Variants in AACS observed in about 807,000 individuals in gnomAD.
AACS encodes acetoacetate-CoA ligase.
Under a neutral mutation model 83.1 loss-of-function variants are expected in AACS, and 69 were observed. The observed-to-expected ratio is 0.83, with a 90% CI of 0.68 to 1.01. The LOEUF is 1.01. Ranked by LOEUF, AACS falls within the 50% of genes least tolerant of loss-of-function variation. The pLI is 0.00. For synonymous variants in AACS, 333 were observed against 343.4 expected (o/e 0.97, Z 0.33); for missense variants, 866 against 882.2 (o/e 0.98, Z 0.23).
chr12:125,077,212 G>C (rs796918806), intron 3 of AACS, among the ~76,000 whole-genome samples: 1 of 151,586 alleles, frequency 6.6e-6, no homozygotes, highest in African/African-American at 2.4e-5. Context: ...CACTGCACCC[G>C]GCCCCTGTGC....
intron 2 of AACS, among the ~76,000 whole-genome samples, chr12:125,076,202 G>T (rs1436672745): frequency 6.6e-6 from 1 of 152,204 alleles, no homozygotes; most frequent in African/African-American, 2.4e-5. Flanking sequence ...TGTCGTCTTT[G>T]TCTTTAGGAT....
At chr12:125,095,629 A>T (rs543656866) in intron 5 of AACS, among the ~76,000 whole-genome samples, 1 of 152,192 alleles carries the variant, frequency 6.6e-6, no homozygotes, top group African/African-American at 2.4e-5. Context: ...TGTTCAGAAC[A>T]GCCTCTTCTC....
At chr12:125,079,000 G>A (rs554315660) in intron 3 of AACS, among the ~76,000 whole-genome samples, 13 of 152,208 alleles carry the variant, frequency 8.5e-5, no homozygotes, top group African/African-American at 3.1e-4. Context: ...GTGTAGGGCT[G>A]TTTTAGACAG....
intron 14 of AACS, among the ~76,000 whole-genome samples, chr12:125,131,579 A>G (rs1480142794): frequency 6.6e-6 from 1 of 152,104 alleles, no homozygotes; most frequent in African/African-American, 2.4e-5. Context: ...GAGTATGAAT[A>G]TGGGGTTATA....
intron 3 of AACS, among the ~76,000 whole-genome samples, chr12:125,079,331 T>C (rs753053173): frequency 6.6e-6 from 1 of 151,970 alleles, no homozygotes; most frequent in Non-Finnish European, 1.5e-5. Context: ...CGGGAAGGGA[T>C]TGCATCATGG....
chr12:125,124,692 G>T lies in AACS; in HGVS notation c.1122-13G>T, dbSNP rs773297852. 6.8e-6 allele frequency: 11 copies of T among 1,613,304 alleles called. No homozygotes were observed. Among genetic ancestry groups the T allele is most frequent in the African/African-American group, 6.7e-5 (5 of 74,886 alleles). ...AAGAGTTTCTGGTGTTTTCTTTCCC[G>T]CCTGCACCCTAGCATCACTGTCCTG... On this transcript the variant is annotated splice_polypyrimidine_tract_variant and intron_variant, in intron 10 of 17. Coordinates refer to ENST00000316519, the MANE Select transcript of AACS (RefSeq NM_023928.5).
At chr12:125,141,991 T>C in intron 17 of AACS, 101 bp from the exon 18 acceptor site, 1 of 1,489,562 alleles carries the variant, frequency 6.7e-7, no homozygotes, top group Non-Finnish European at 9.2e-7. Flanking sequence ...CTCTTGGCAC[T>C]CCAGGTGGAG....
At chr12:125,139,432 CT>C (rs1307392304) in intron 17 of AACS, 3 of 152,560 alleles carry the variant, frequency 2.0e-5, no homozygotes, top group East Asian at 3.9e-4. Context: ...CCCTCTGCCC[CT>C]GAGGCATGAC....
At chr12:125,088,685 T>A (rs1291546973) in intron 4 of AACS, among the ~76,000 whole-genome samples, 1 of 152,228 alleles carries the variant, frequency 6.6e-6, no homozygotes, top group Non-Finnish European at 1.5e-5. Context: ...AAAAATCTTT[T>A]GAAGCAAACG....
At chr12:125,109,901 G>A (rs896186582) in intron 8 of AACS, among the ~76,000 whole-genome samples, 1 of 152,198 alleles carries the variant, frequency 6.6e-6, no homozygotes, top group Non-Finnish European at 1.5e-5. Context: ...GAACACGCTG[G>A]AAATGATGTG....
intron 6 of AACS, 90 bp from the exon 7 acceptor site, chr12:125,102,910 C>T (rs1380712568): frequency 2.1e-6 from 3 of 1,453,426 alleles, no homozygotes; most frequent in Admixed American, 1.9e-5. Flanking sequence ...ATTCTCTGCC[C>T]CAGATTGTGT....
At position 125,129,596 on chromosome 12, in the gene AACS, C is replaced by A; in HGVS notation, c.1549+136C>A. On this transcript the variant is annotated intron_variant, in intron 14 of 17. Coordinates refer to ENST00000316519, the MANE Select transcript of AACS (RefSeq NM_023928.5). This position sits in a 1 kb window ranked among gnomAD's most constrained non-coding sequence, Gnocchi z 4.3. ...TGGAGAAGCTGCTTATAGTTCATTC[C>A]GCCAGTGGGGGGATAATGAATTTTT... 1 of 1,139,432 alleles carries A rather than the reference C, an allele frequency of 8.8e-7. No individual in the cohort carries two copies. 70.6% of individuals were successfully genotyped at this position (1,139,432 alleles called of 1,614,324 possible). A position where few individuals can be genotyped will look rare whatever the true frequency, so the allele number is the denominator to read the frequency against.
intron 3 of AACS, among the ~76,000 whole-genome samples, 156 bp from the exon 4 acceptor site, chr12:125,086,174 T>C (rs1399099857): frequency 1.3e-5 from 2 of 152,218 alleles, no homozygotes; most frequent in Non-Finnish European, 2.9e-5. Context: ...TGAGGTTAAG[T>C]TGACCTGTAT....
intron 7 of AACS, among the ~76,000 whole-genome samples, chr12:125,106,715 T>C (rs946563939): frequency 1.3e-5 from 2 of 152,192 alleles, no homozygotes; most frequent in African/African-American, 4.8e-5. Flanking sequence ...AGGTGATCAA[T>C]AGCAAACAAA....
chr12:125,077,095 T>C lies in AACS; in HGVS notation c.358+484T>C, dbSNP rs1411298506. On this transcript the variant is annotated intron_variant, in intron 3 of 17. Transcript: ENST00000316519. The stretch of plus-strand genomic sequence containing the variant: ...GCTGATTTTTTTTTTTTTTTTTTTT[T>C]AGTAGAGACAGGGTCTTGCTATGTT... Among the ~76,000 whole-genome samples the C allele has an allele frequency of 6.6e-5, 9 of 136,822 alleles. 1 individual carries two copies. The highest frequency in any genetic ancestry group is 2.4e-4 in the South Asian group (1 of 4,190). The allele number at this position is 136,822 out of a possible 152,430, so 89.8% of individuals were successfully genotyped here.
rs535291712 is a variant in AACS at position 125,071,905 on chromosome 12, T to A, written c.134-1971T>A. Among the ~76,000 whole-genome samples the A allele has an allele frequency of 5.3e-5, 8 of 152,316 alleles. 1 individual carries two copies. In the South Asian group the frequency reaches 1.7e-3, roughly 32 times the overall value. On this transcript the variant is annotated intron_variant, in intron 1 of 17. Transcript: ENST00000316519. ...AGAGTTTCGCTCTTGTTGCCCAGGC[T>A]GGAGTGCAGTGGCACGATCTCGGCT...
chr12:125,142,219 A>C lies in AACS; in HGVS notation c.2009A>C (p.Gln670Pro). 3 of 1,613,958 alleles carry C rather than the reference A, an allele frequency of 1.9e-6. No individual in the cohort carries two copies. The highest frequency in any genetic ancestry group is 2.5e-6 in the Non-Finnish European group (3 of 1,179,888). ...LDLYRDIPEL[Q>P]GF Reference sequence around the variant, plus strand: ...CTGTACCGGGACATCCCTGAGCTGCAGGGCTTCTGAGTCAGACTGGCTGGC... The same window carrying C: ...CTGTACCGGGACATCCCTGAGCTGCCGGGCTTCTGAGTCAGACTGGCTGGC... Residue 670 changes from glutamine to proline, a missense_variant, in exon 18 of 18, where the codon CAG (glutamine) becomes CCG (proline). By Grantham distance (76) the Gln-to-Pro change is moderately conservative (BLOSUM62 -1). Coordinates refer to ENST00000316519, the MANE Select transcript of AACS (RefSeq NM_023928.5).
chr12:125,125,080 G>T, intron 12 of AACS, 56 bp downstream of exon 12: 2 of 1,609,804 alleles, frequency 1.2e-6, no homozygotes. Context: ...CCATAAGTAT[G>T]CACACCTCTG....
At chr12:125,137,230 A>G (rs185607749) in intron 17 of AACS, among the ~76,000 whole-genome samples, 3 of 152,250 alleles carry the variant, frequency 2.0e-5, no homozygotes, top group Admixed American at 6.5e-5. Context: ...CTGGAATGCA[A>G]TGGCTCAATC....
Sources: gnomAD v4.1 joint callset for allele counts (sites outside exome capture counted in the v4.1 genomes callset) on GRCh38, gnomAD v4.1.1 for gene constraint, Gnocchi (gnomAD v3.1) non-coding constraint, MANE v1.5 for transcripts, NCBI Gene and HGNC (gene_info 2026-07-23, HGNC 2026-07-21) for gene names.